KCNQ3: variants seen among roughly 807,000 people sequenced by gnomAD.
KCNQ3 encodes potassium voltage-gated channel subfamily KQT member 3.
A neutral mutation model predicts 92.5 loss-of-function variants in KCNQ3; 30 were observed. That is an observed-to-expected ratio of 0.32 (90% CI 0.24 to 0.44). The LOEUF (loss-of-function observed/expected upper bound fraction) is 0.44, where lower values mean the gene tolerates loss of function less well. Ranked by LOEUF, KCNQ3 falls within the 20% of genes least tolerant of loss-of-function variation. KCNQ3 has a pLI of 1.00. For missense variants in KCNQ3, 913 were observed against 1,140.3 expected, an observed-to-expected ratio of 0.80 and a Z score of 2.87; for synonymous variants, 450 against 468.8, an observed-to-expected ratio of 0.96 and a Z score of 0.52.
At chr8:132,347,073 A>C (rs928853009) in intron 1 of KCNQ3, among the ~76,000 whole-genome samples, 1 of 152,154 alleles carries the variant, frequency 6.6e-6, no homozygotes, top group African/African-American at 2.4e-5. Flanking sequence ...CGCAGGTAGG[A>C]TACCTGCCTG....
intron 1 of KCNQ3, among the ~76,000 whole-genome samples, chr8:132,341,665 G>C (rs957879075): frequency 6.6e-6 from 1 of 152,176 alleles, no homozygotes; most frequent in Non-Finnish European, 1.5e-5. Context: ...ATCCAGACCT[G>C]GTTTCTCTGT....
intron 1 of KCNQ3, among the ~76,000 whole-genome samples, chr8:132,454,234 G>A (rs1821889800): frequency 5.3e-5 from 8 of 152,060 alleles, no homozygotes; most frequent in Admixed American, 4.6e-4. Context: ...GCCTGTCCTC[G>A]GGTTCATGTA....
intron 1 of KCNQ3, among the ~76,000 whole-genome samples, chr8:132,463,293 C>T (rs1361377131): frequency 6.6e-6 from 1 of 152,126 alleles, no homozygotes; most frequent in Non-Finnish European, 1.5e-5. Flanking sequence ...AGAGGAAAAA[C>T]CTAGAGGAAG....
At chr8:132,357,278 A>G (rs1429352070) in intron 1 of KCNQ3, among the ~76,000 whole-genome samples, 1 of 152,250 alleles carries the variant, frequency 6.6e-6, no homozygotes, top group African/African-American at 2.4e-5. Flanking sequence ...AAGGTAATTC[A>G]GCGAAGCAAG....
chr8:132,429,353 A>G (rs959670250), intron 1 of KCNQ3, among the ~76,000 whole-genome samples: 4 of 152,244 alleles, frequency 2.6e-5, no homozygotes, highest in African/African-American at 9.6e-5. Flanking sequence ...CAGTAGCTCT[A>G]TATGACAGAT....
At chr8:132,370,464 G>A (rs562079824) in intron 1 of KCNQ3, among the ~76,000 whole-genome samples, 1 of 152,332 alleles carries the variant, frequency 6.6e-6, no homozygotes, top group South Asian at 2.1e-4. Context: ...GCCAGCTGGT[G>A]TGGGGACAGG....
intron 8 of KCNQ3, 44 bp downstream of exon 8, chr8:132,170,290 G>A (rs751576035): frequency 1.8e-5 from 25 of 1,389,190 alleles, no homozygotes; most frequent in Non-Finnish European, 2.5e-5. Flanking sequence ...CCGCAGGAGA[G>A]ATGGCTGGTC....
chr8:132,407,279 T>C (rs903509803), intron 1 of KCNQ3, among the ~76,000 whole-genome samples: 7 of 152,296 alleles, frequency 4.6e-5, no homozygotes, highest in African/African-American at 1.4e-4. Context: ...ATTTATTTGG[T>C]CTTTCAGTGG....
chr8:132,323,420 T>C (rs1022019166), intron 1 of KCNQ3, among the ~76,000 whole-genome samples: 1 of 152,198 alleles, frequency 6.6e-6, no homozygotes, highest in African/African-American at 2.4e-5. Flanking sequence ...GGCAGCACTG[T>C]GTAGCTGTGA....
At chr8:132,340,726 G>A (rs984475738) in intron 1 of KCNQ3, among the ~76,000 whole-genome samples, 20 of 152,294 alleles carry the variant, frequency 1.3e-4, no homozygotes, top group African/African-American at 4.6e-4. Flanking sequence ...CATGACGCAT[G>A]TATACCTATG....
rs1824766948 is a variant in KCNQ3 at position 132,129,165 on chromosome 8, GC to G, written c.*96del. The G allele has an allele frequency of 6.9e-7, 1 of 1,451,064 alleles. No homozygotes were observed. The highest frequency in any genetic ancestry group is 1.2e-5 in the South Asian group (1 of 81,750). 89.9% of individuals were successfully genotyped at this position (1,451,064 alleles called of 1,614,324 possible). ...CACGCACACGCATGCATTTGATGCA[GC>G]CATTGGTGTCCCCGCTGGTAAGCGT... On this transcript the variant is annotated 3_prime_UTR_variant, in exon 15 of 15. Coordinates refer to ENST00000388996, the MANE Select transcript of KCNQ3 (RefSeq NM_004519.4). The surrounding 1 kb of genome is among the most constrained non-coding windows in gnomAD (Gnocchi z 5.9).
rs1273329968 is a variant in KCNQ3, at chr8:132,140,197, T to C, written c.1466-19A>G. ...CCGGCATCTGGGAGGGAGACACACA[T>C]ATGAACGGCAGGCCACAGACCTGGA... On this transcript the variant is annotated intron_variant, in intron 10 of 14. Transcript: ENST00000388996. 1 of 1,584,688 alleles carries C rather than the reference T, an allele frequency of 6.3e-7. No individual in the cohort carries two copies. The highest frequency in any genetic ancestry group is 8.7e-7 in the Non-Finnish European group (1 of 1,154,328).
intron 1 of KCNQ3, among the ~76,000 whole-genome samples, chr8:132,316,922 T>C (rs1193106334): frequency 6.6e-6 from 1 of 152,234 alleles, no homozygotes; most frequent in Non-Finnish European, 1.5e-5. Flanking sequence ...GGTATTTTAA[T>C]GAGAAGTAGA....
intron 13 of KCNQ3, 35 bp downstream of exon 13, chr8:132,134,254 AC>A (rs768899458): frequency 2.6e-6 from 4 of 1,527,982 alleles, no homozygotes; most frequent in Non-Finnish European, 2.7e-6. Context: ...CAAACTTTGC[AC>A]CCCTGGCCCA....
intron 1 of KCNQ3, among the ~76,000 whole-genome samples, chr8:132,464,369 C>G (rs1294512008): frequency 1.3e-5 from 2 of 152,174 alleles, no homozygotes; most frequent in African/African-American, 2.4e-5. Flanking sequence ...CCACACACTC[C>G]TTGGAGGCTG....
intron 1 of KCNQ3, among the ~76,000 whole-genome samples, chr8:132,263,339 C>T (rs188621564): frequency 9.8e-5 from 15 of 152,316 alleles, no homozygotes; most frequent in South Asian, 4.1e-4. Context: ...AGCCTGAATC[C>T]CATCTCTGGG....
At chr8:132,408,416 G>C (rs1163857212) in intron 1 of KCNQ3, among the ~76,000 whole-genome samples, 1 of 152,070 alleles carries the variant, frequency 6.6e-6, no homozygotes, top group African/African-American at 2.4e-5. Context: ...AATCCAGCTG[G>C]TGTTCGACTC....
intron 12 of KCNQ3, among the ~76,000 whole-genome samples, chr8:132,136,852 G>A (rs1007270284): frequency 6.7e-5 from 10 of 149,112 alleles, no homozygotes; most frequent in Admixed American, 1.4e-4. Flanking sequence ...ATTATTTTAC[G>A]GCTGCATAAC....
chr8:132,434,195 G>C (rs1383656754), intron 1 of KCNQ3, among the ~76,000 whole-genome samples: 1 of 135,780 alleles, frequency 7.4e-6, no homozygotes, highest in Non-Finnish European at 1.6e-5. Flanking sequence ...GTGACAGAGC[G>C]AGACTCCGTC....
Sources: allele counts gnomAD v4.1 joint callset (sites outside exome capture counted in the v4.1 genomes callset), GRCh38; gene constraint gnomAD v4.1.1; non-coding constraint Gnocchi (gnomAD v3.1); transcripts MANE v1.5; gene names NCBI Gene and HGNC (gene_info 2026-07-23, HGNC 2026-07-21).